RALGAPA2: variants seen among roughly 807,000 people sequenced by gnomAD.
The protein encoded by RALGAPA2 is ral GTPase-activating protein subunit alpha-2.
RALGAPA2 carries 139 observed loss-of-function variants against 230.4 expected under a neutral mutation model. The ratio of observed to expected loss-of-function variants is 0.60; its 90% CI spans 0.53 to 0.69. The LOEUF (loss-of-function observed/expected upper bound fraction) is 0.69, where lower values mean the gene tolerates loss of function less well. Among genes scored for constraint, RALGAPA2 ranks in the 30% least tolerant of loss-of-function variants. RALGAPA2 has a pLI of 0.00. For missense variants in RALGAPA2, 2,163 were observed against 2,276.0 expected (o/e 0.95, Z 1.01); for synonymous variants, 847 against 837.8 (o/e 1.01, Z -0.19).
At chr20:20,447,288 C>G (rs1172556840) in intron 37 of RALGAPA2, among the ~76,000 whole-genome samples, 2 of 152,188 alleles carry the variant, frequency 1.3e-5, no homozygotes, top group African/African-American at 4.8e-5. Context: ...TTTTTAAAGA[C>G]TTTATCATGA....
At chr20:20,397,429 C>T (rs2122630803) in intron 38 of RALGAPA2, among the ~76,000 whole-genome samples, 1 of 152,330 alleles carries the variant, frequency 6.6e-6, no homozygotes, top group South Asian at 2.1e-4. Context: ...TGCCTTGTGA[C>T]AGGTTCTTCC....
At chr20:20,543,266 C>T (rs2063697315) in intron 24 of RALGAPA2, among the ~76,000 whole-genome samples, 1 of 152,008 alleles carries the variant, frequency 6.6e-6, no homozygotes, top group Admixed American at 6.6e-5. Context: ...AGGATGGTCT[C>T]GATCTCTTGA....
intron 26 of RALGAPA2, among the ~76,000 whole-genome samples, chr20:20,532,544 G>C (rs1041457541): frequency 1.3e-5 from 2 of 152,172 alleles, no homozygotes; most frequent in Non-Finnish European, 2.9e-5. Flanking sequence ...GAAATCTGAG[G>C]AACAGTCAGC....
chr20:20,610,374 T>C (rs951862702), intron 14 of RALGAPA2, among the ~76,000 whole-genome samples: 4 of 152,198 alleles, frequency 2.6e-5, no homozygotes, highest in Admixed American at 2.6e-4. Flanking sequence ...CTGGCACATC[T>C]GTTCCCCAGG....
At position 20,640,722 on chromosome 20, in the gene RALGAPA2, G is replaced by A; in HGVS notation, c.529C>T (p.Pro177Ser). Residue 177 changes from proline to serine, a missense_variant, in exon 6 of 40, where the codon CCC (proline) becomes TCC (serine). Coordinates refer to ENST00000202677, the MANE Select transcript of RALGAPA2 (RefSeq NM_020343.4). ...TTACCATCAGCTACACTAGGGCTGG[G>A]ATTGATGAGTGTCTCCAGTGTGCAA... is the stretch of plus-strand genomic sequence containing the variant. The part of the protein sequence containing the change: ...GPCTLETLIN[P>S]SPSVADVKIY... The A allele has an allele frequency of 6.2e-7, 1 of 1,613,734 alleles. No individual in the cohort carries two copies. The highest frequency in any genetic ancestry group is 8.5e-7 in the Non-Finnish European group (1 of 1,179,748).
intron 26 of RALGAPA2, among the ~76,000 whole-genome samples, chr20:20,534,261 G>A (rs1027661708): frequency 1.3e-5 from 2 of 152,022 alleles, no homozygotes; most frequent in African/African-American, 2.4e-5. Flanking sequence ...TGGCTAACAC[G>A]GTGAAATCCC....
chr20:20,400,920 A>C (rs2059820450), intron 38 of RALGAPA2, among the ~76,000 whole-genome samples: 1 of 152,270 alleles, frequency 6.6e-6, no homozygotes, highest in African/African-American at 2.4e-5. Flanking sequence ...GAAAGAAGTC[A>C]GCCACCAAAG....
intron 37 of RALGAPA2, among the ~76,000 whole-genome samples, chr20:20,466,194 A>G (rs968149768): frequency 1.3e-5 from 2 of 152,254 alleles, no homozygotes; most frequent in Non-Finnish European, 2.9e-5. Context: ...AAGGCCCCAT[A>G]GGGTCAGATA....
chr20:20,418,187 A>G (rs1361943688), intron 37 of RALGAPA2, among the ~76,000 whole-genome samples: 1 of 152,212 alleles, frequency 6.6e-6, no homozygotes, highest in Non-Finnish European at 1.5e-5. Flanking sequence ...CCATAAGAGA[A>G]AGTCAAATAA....
intron 2 of RALGAPA2, among the ~76,000 whole-genome samples, chr20:20,677,629 ATTTTTTTTT>A (rs758379115): frequency 4.7e-5 from 3 of 64,312 alleles, no homozygotes; most frequent in South Asian, 5.0e-4. Context: ...GATTTGACCC[ATTTTTTTTT>A]TTTTTTTTTT....
intron 20 of RALGAPA2, 92 bp downstream of exon 20, chr20:20,582,958 G>A: frequency 1.5e-6 from 2 of 1,375,878 alleles, no homozygotes; most frequent in Non-Finnish European, 2.0e-6. Flanking sequence ...TCCTACAACT[G>A]TTTCAGAACC....
At position 20,496,107 on chromosome 20, in the gene RALGAPA2, C is replaced by T. The variant is rs1179371695; in HGVS notation, c.5209-832G>A. 1.8e-4 allele frequency among the ~76,000 whole-genome samples: 28 copies of T among 152,096 alleles called. 1 individual carries two copies. ...GTTTCAAAGCTACCTAAGCCTGCAC[C>T]CAAAGTTACTTTACTGTCATTGCTT... is the stretch of plus-strand genomic sequence containing the variant. On this transcript the variant is annotated intron_variant, in intron 35 of 39. Coordinates refer to ENST00000202677, the MANE Select transcript of RALGAPA2 (RefSeq NM_020343.4).
chr20:20,711,281 C>G (rs184107362), intron 1 of RALGAPA2, among the ~76,000 whole-genome samples: 1 of 152,126 alleles, frequency 6.6e-6, no homozygotes, highest in African/African-American at 2.4e-5. Flanking sequence ...AATCTTCACA[C>G]GTTAAATCAT....
In RALGAPA2 at chr20:20,591,456, A is replaced by G. The variant is rs1226163941; in HGVS notation, c.2204-142T>C. 8 of 1,056,960 alleles carry G rather than the reference A, an allele frequency of 7.6e-6. No individual in the cohort carries two copies. The African/African-American group carries it at 1.3e-4, about 17-fold the overall frequency. The allele number at this position is 1,056,960 out of a possible 1,614,324, so 65.5% of individuals were successfully genotyped here. A position where few individuals can be genotyped will look rare whatever the true frequency, so the allele number is the denominator to read the frequency against. ...TAGTCAGATAATCTGCATTTAAATG[A>G]TCAAGTTTCCTACACTTGCTAACCC... On this transcript the variant is annotated intron_variant, in intron 16 of 39. Transcript: ENST00000202677.
intron 17 of RALGAPA2, among the ~76,000 whole-genome samples, chr20:20,590,341 C>A (rs1299786478): frequency 1.3e-5 from 2 of 152,090 alleles, no homozygotes; most frequent in Non-Finnish European, 1.5e-5. Flanking sequence ...CAAAACCTTT[C>A]AAAAATCTTT....
chr20:20,559,270 C>T (rs1317792500), intron 23 of RALGAPA2, among the ~76,000 whole-genome samples: 1 of 152,174 alleles, frequency 6.6e-6, no homozygotes, highest in East Asian at 1.9e-4. Flanking sequence ...CCGACCAACC[C>T]TCTAATGTGG....
At chr20:20,495,896 A>G (rs985536289) in intron 35 of RALGAPA2, among the ~76,000 whole-genome samples, 4 of 152,226 alleles carry the variant, frequency 2.6e-5, no homozygotes, top group Non-Finnish European at 4.4e-5. Context: ...ATGTTCACAC[A>G]TACTATCTCA....
At chr20:20,412,454 G>A (rs541116622) in intron 37 of RALGAPA2, among the ~76,000 whole-genome samples, 1 of 152,320 alleles carries the variant, frequency 6.6e-6, no homozygotes, top group African/African-American at 2.4e-5. Flanking sequence ...AGGAGATACT[G>A]ATTGCAATAG....
chr20:20,649,066 TGA>T (rs2067310282), intron 4 of RALGAPA2, among the ~76,000 whole-genome samples: 1 of 152,142 alleles, frequency 6.6e-6, no homozygotes, highest in African/African-American at 2.4e-5. Flanking sequence ...AAAAGCACCC[TGA>T]GAGGGCATGG....
Sources: gnomAD v4.1 joint callset for allele counts (sites outside exome capture counted in the v4.1 genomes callset) on GRCh38, gnomAD v4.1.1 for gene constraint, MANE v1.5 for transcripts, NCBI Gene and HGNC (gene_info 2026-07-23, HGNC 2026-07-21) for gene names.